Variants in TBL1XR1 observed in about 807,000 individuals in gnomAD.
TBL1XR1 encodes the protein F-box-like/WD repeat-containing protein TBL1XR1.
TBL1XR1 carries 5 observed loss-of-function variants against 66.9 expected under a neutral mutation model. The observed-to-expected ratio is 0.07, with a 90% CI of 0.04 to 0.16. TBL1XR1 has a LOEUF of 0.16. TBL1XR1 is among the 10% of genes least tolerant of loss of function. The pLI, the probability that TBL1XR1 is intolerant of heterozygous loss-of-function variation, is 1.00. For missense variants in TBL1XR1, 238 were observed against 623.2 expected (o/e 0.38, Z 6.58); for synonymous variants, 210 against 206.0 (o/e 1.02, Z -0.17).
intron 10 of TBL1XR1, among the ~76,000 whole-genome samples, chr3:177,040,523 T>C (rs757020680): frequency 1.3e-5 from 2 of 152,130 alleles, no homozygotes; most frequent in Non-Finnish European, 2.9e-5. Flanking sequence ...AGCCAAGAGA[T>C]ATGTCATGCG....
intron 9 of TBL1XR1, among the ~76,000 whole-genome samples, chr3:177,046,900 G>A (rs1343105364): frequency 4.6e-5 from 7 of 152,144 alleles, no homozygotes; most frequent in African/African-American, 7.2e-5. Flanking sequence ...AGACAAAGAA[G>A]GCTAGACAGA....
intron 2 of TBL1XR1, among the ~76,000 whole-genome samples, chr3:177,067,979 C>A (rs10936928): frequency 0.26 from 39,606 of 152,040 alleles, 5,657 homozygotes; most frequent in East Asian, 0.5. Context: ...TTCCTCCATT[C>A]TGGTATCTTT....
chr3:177,160,549 T>C (rs890553846), intron 1 of TBL1XR1, among the ~76,000 whole-genome samples: 1 of 151,598 alleles, frequency 6.6e-6, no homozygotes, highest in Non-Finnish European at 1.5e-5. Flanking sequence ...CTTCACTGAG[T>C]CCATAGTTCC....
intron 2 of TBL1XR1, among the ~76,000 whole-genome samples, chr3:177,070,606 TG>T (rs1450375895): frequency 1.3e-5 from 2 of 152,110 alleles, no homozygotes; most frequent in Non-Finnish European, 2.9e-5. Flanking sequence ...CCTAGCACTT[TG>T]GGGGGCCGAG....
rs550511337 is a variant in TBL1XR1, at chr3:177,131,143, T to C, written c.-121-32602A>G. On this transcript the variant is annotated intron_variant, in intron 1 of 15. Coordinates refer to ENST00000457928, the MANE Select transcript of TBL1XR1 (RefSeq NM_024665.7). ...GCACAATGGCAACAGAAACTAGGTT[T>C]CAGAGAATATATTGAGAACTTCTTC... 2.0e-5 allele frequency among the ~76,000 whole-genome samples: 3 copies of C among 151,940 alleles called. No homozygotes were observed. In the South Asian group the frequency reaches 6.2e-4, roughly 32 times the overall value.
intron 9 of TBL1XR1, among the ~76,000 whole-genome samples, 192 bp downstream of exon 9, chr3:177,047,108 G>T (rs1393166747): frequency 6.6e-6 from 1 of 152,166 alleles, no homozygotes; most frequent in Non-Finnish European, 1.5e-5. Context: ...TGTTCACATA[G>T]ATAAAAGGAT....
chr3:177,190,295 A>G (rs774480462), intron 1 of TBL1XR1, among the ~76,000 whole-genome samples: 6 of 152,150 alleles, frequency 3.9e-5, no homozygotes, highest in Non-Finnish European at 7.4e-5. Flanking sequence ...TTCCAGAATT[A>G]AAAGGGCAAA....
At position 177,129,837 on chromosome 3, in the gene TBL1XR1, A is replaced by T. The variant is rs113821123; in HGVS notation, c.-121-31296T>A. Among the ~76,000 whole-genome samples the T allele has an allele frequency of 5.1e-3, 777 of 152,306 alleles. 5 individuals are homozygous for T. The highest frequency in any genetic ancestry group is 0.017 in the African/African-American group (708 of 41,560). ...ACAACCTCCATGAAGACAACCTGGC[A>T]GTGAAATTTAAAAATGCACATATCC... On this transcript the variant is annotated intron_variant, in intron 1 of 15. Transcript: ENST00000457928.
At chr3:177,056,209 T>C (rs1717785854) in intron 3 of TBL1XR1, among the ~76,000 whole-genome samples, 1 of 152,234 alleles carries the variant, frequency 6.6e-6, no homozygotes, top group African/African-American at 2.4e-5. Flanking sequence ...TAAATTTGTT[T>C]GAAGTACATG....
chr3:177,132,111 T>C (rs1378204241), intron 1 of TBL1XR1, among the ~76,000 whole-genome samples: 2 of 152,188 alleles, frequency 1.3e-5, no homozygotes, highest in Middle Eastern at 3.2e-3. Flanking sequence ...CTTGTCAGCA[T>C]TGTTTACTGT....
chr3:177,194,117 C>CA (rs1736522106), intron 1 of TBL1XR1: 1 of 152,242 alleles, frequency 6.6e-6, no homozygotes, highest in African/African-American at 2.4e-5. Flanking sequence ...TCAGCGCTCT[C>CA]AGAGTCTTTT....
At chr3:177,145,114 G>T (rs1266776398) in intron 1 of TBL1XR1, among the ~76,000 whole-genome samples, 2 of 152,072 alleles carry the variant, frequency 1.3e-5, no homozygotes, top group African/African-American at 2.4e-5. Context: ...GAACCTAGTG[G>T]TTATCAAACT....
rs911599690 is a variant in TBL1XR1 at position 177,023,352 on chromosome 3, A to G, written c.*2146T>C. ...AATTTTTATTTATTTTTTTTAAACA[A>G]TAACAGAGGTCAACCACAGATGTGG... On this transcript the variant is annotated 3_prime_UTR_variant, in exon 16 of 16. Coordinates refer to ENST00000457928, the MANE Select transcript of TBL1XR1 (RefSeq NM_024665.7). The G allele has an allele frequency of 2.6e-5, 4 of 152,492 alleles. No homozygotes were observed. Among genetic ancestry groups the G allele is most frequent in the African/African-American group, 9.7e-5 (4 of 41,422 alleles). 9.4% of individuals were successfully genotyped at this position (152,492 alleles called of 1,614,324 possible).
chr3:177,192,921 G>C (rs1459869531), intron 1 of TBL1XR1, among the ~76,000 whole-genome samples: 1 of 152,118 alleles, frequency 6.6e-6, no homozygotes, highest in Non-Finnish European at 1.5e-5. Flanking sequence ...GGGAGGCCGA[G>C]GCAGGCACGT....
At chr3:177,125,642 T>A (rs980504010) in intron 1 of TBL1XR1, among the ~76,000 whole-genome samples, 2 of 152,170 alleles carry the variant, frequency 1.3e-5, no homozygotes, top group Admixed American at 1.3e-4. Context: ...AACCAACGAC[T>A]ACAATAACTC....
At chr3:177,079,455 T>C (rs1721127792) in intron 2 of TBL1XR1, 1 of 151,154 alleles carries the variant, frequency 6.6e-6, no homozygotes, top group African/African-American at 2.4e-5. Flanking sequence ...AAAATTTGTA[T>C]CTAGTATTAT....
At chr3:177,177,406 C>T (rs1000358092) in intron 1 of TBL1XR1, among the ~76,000 whole-genome samples, 8 of 152,026 alleles carry the variant, frequency 5.3e-5, no homozygotes, top group Non-Finnish European at 1.0e-4. Context: ...ACCGAGATTG[C>T]GCCACTGCAC....
chr3:177,122,628 G>C (rs1038294704), intron 1 of TBL1XR1, among the ~76,000 whole-genome samples: 1 of 152,082 alleles, frequency 6.6e-6, no homozygotes, highest in Non-Finnish European at 1.5e-5. Flanking sequence ...TATTAAAGTC[G>C]AGTGTGAGGA....
At chr3:177,133,860 AGT>A (rs1441440820) in intron 1 of TBL1XR1, among the ~76,000 whole-genome samples, 3 of 129,490 alleles carry the variant, frequency 2.3e-5, no homozygotes, top group African/African-American at 8.6e-5. Flanking sequence ...TGGGCGAAAG[AGT>A]GAGACTCCTA....
Sources: allele counts gnomAD v4.1 joint callset (sites outside exome capture counted in the v4.1 genomes callset), GRCh38; gene constraint gnomAD v4.1.1; transcripts MANE v1.5; gene names NCBI Gene and HGNC (gene_info 2026-07-23, HGNC 2026-07-21).